Variants in CD47 observed in about 807,000 individuals in gnomAD.
CD47 encodes leukocyte surface antigen CD47.
CD47 carries 11 observed loss-of-function variants against 44.6 expected under a neutral mutation model. The observed-to-expected ratio is 0.25, with a 90% CI of 0.16 to 0.41. The LOEUF is 0.41. Among genes scored for constraint, CD47 ranks in the 10% least tolerant of loss-of-function variants. CD47 has a pLI of 1.00. For missense variants in CD47, 306 were observed against 386.7 expected (o/e 0.79, Z 1.75); for synonymous variants, 140 against 136.3 (o/e 1.03, Z -0.19).
In CD47 at chr3:108,050,784, C is replaced by T. The variant is rs536169779; in HGVS notation, c.910-182G>A. On this transcript the variant is annotated intron_variant, in intron 8 of 10. Transcript: ENST00000361309. ...AATGTTAAAGCAAAGCTTGCCAAGTCGGGTTAATAGTTTAATAATAACTGT... is the reference window on the plus strand; with the variant it reads ...AATGTTAAAGCAAAGCTTGCCAAGTTGGGTTAATAGTTTAATAATAACTGT... 1.3e-4 allele frequency: 61 copies of T among 477,104 alleles called. No homozygotes were observed. In the East Asian group the frequency reaches 2.3e-3, roughly 18 times the overall value. The allele number at this position is 477,104 out of a possible 1,614,324, so 29.6% of individuals were successfully genotyped here. A position where few individuals can be genotyped will look rare whatever the true frequency, so the allele number is the denominator to read the frequency against.
In CD47 at chr3:108,046,271, A is replaced by G. The variant is rs1459545488; in HGVS notation, c.*1017T>C. 9 of 152,698 alleles carry G rather than the reference A, an allele frequency of 5.9e-5. No individual in the cohort carries two copies. The highest frequency in any genetic ancestry group is 2.2e-4 in the African/African-American group (9 of 41,482). 9.5% of individuals were successfully genotyped at this position (152,698 alleles called of 1,614,324 possible). On this transcript the variant is annotated 3_prime_UTR_variant, in exon 11 of 11. Coordinates refer to ENST00000361309, the MANE Select transcript of CD47 (RefSeq NM_001777.4). ...TGGCCTGTTGGCCTGATGGTGACAC[A>G]CATTTTGTTGCCATGCAGGAGACTC...
Position 108,090,991 on chromosome 3 carries a change from CGCCGCCGCGCGTCACAGGCAGGACCCACT to C in CD47, c.-112_-84del. 4 of 980,376 alleles carry C rather than the reference CGCCGCCGCGCGTCACAGGCAGGACCCACT, an allele frequency of 4.1e-6. No individual in the cohort carries two copies. Among genetic ancestry groups the C allele is most frequent in the Non-Finnish European group, 5.5e-6 (4 of 727,796 alleles). The allele number at this position is 980,376 out of a possible 1,614,324, so 60.7% of individuals were successfully genotyped here. A position where few individuals can be genotyped will look rare whatever the true frequency, so the allele number is the denominator to read the frequency against. ...CGCCGCCGTTACAGGCAGGACCGAC[CGCCGCCGCGCGTCACAGGCAGGACCCACT>C]GCCCAGGCTGCACGGCCGCGCGCAC... is the stretch of plus-strand genomic sequence containing the variant. On this transcript the variant is annotated 5_prime_UTR_variant, in exon 1 of 11. Coordinates refer to ENST00000361309, the MANE Select transcript of CD47 (RefSeq NM_001777.4).
intron 1 of CD47, among the ~76,000 whole-genome samples, chr3:108,090,446 A>G (rs1274339695): frequency 6.6e-6 from 1 of 151,632 alleles, no homozygotes; most frequent in Non-Finnish European, 1.5e-5. Context: ...CCCTCCCTCA[A>G]CCCCAAATGC....
At chr3:108,050,352 G>A (rs985725735) in intron 9 of CD47, among the ~76,000 whole-genome samples, 5 of 152,246 alleles carry the variant, frequency 3.3e-5, no homozygotes, top group Non-Finnish European at 5.9e-5. Context: ...TCTTGACCTC[G>A]TGATCTGCCC....
chr3:108,080,296 A>T lies in CD47; in HGVS notation c.95T>A (p.Phe32Tyr), dbSNP rs1461738006. The change falls in exon 2 of 11, where the codon TTT becomes TAT. Residue 32 changes from phenylalanine to tyrosine, a missense_variant. By Grantham distance (22) the Phe-to-Tyr change is conservative. This residue lies in a region of CD47 where 38 missense variants were observed against 42.7 expected (regional missense o/e 0.89). Transcript: ENST00000361309. ...TGGAATGACGACAGTGTCATTACAAAACGTGAATTCTACAGATTTTGTTTT... is the reference window on the plus strand; with the variant it reads ...TGGAATGACGACAGTGTCATTACAATACGTGAATTCTACAGATTTTGTTTT... ...FNKTKSVEFT[F>Y]CNDTVVIPCF... is the part of the protein sequence containing the mutation. 1 of 1,611,262 alleles carries T rather than the reference A, an allele frequency of 6.2e-7. No homozygotes were observed. Among genetic ancestry groups the T allele is most frequent in the African/African-American group, 1.3e-5 (1 of 74,800 alleles).
chr3:108,083,808 T>C (rs2079463561), intron 1 of CD47, among the ~76,000 whole-genome samples: 1 of 151,946 alleles, frequency 6.6e-6, no homozygotes, highest in African/African-American at 2.4e-5. Context: ...CCCTATTTCT[T>C]AATACAAACT....
chr3:108,061,903 A>G lies in CD47; in HGVS notation c.491-1051T>C, dbSNP rs148819497. Among the ~76,000 whole-genome samples the G allele has an allele frequency of 5.2e-3, 790 of 152,300 alleles. 6 individuals are homozygous for G. Among genetic ancestry groups the G allele is most frequent in the African/African-American group, 0.018 (754 of 41,570 alleles). ...TAGCATTTAGTTTTTTTTCTTCTAC[A>G]GTGACAAACATTAAATAAAGTAAAA... On this transcript the variant is annotated intron_variant, in intron 3 of 10. Coordinates refer to ENST00000361309, the MANE Select transcript of CD47 (RefSeq NM_001777.4).
chr3:108,068,125 G>T (rs1166180961), intron 3 of CD47, among the ~76,000 whole-genome samples: 3 of 152,160 alleles, frequency 2.0e-5, no homozygotes, highest in South Asian at 2.1e-4. Context: ...GAGTTATTAT[G>T]AATGCTTTAG....
intron 4 of CD47, among the ~76,000 whole-genome samples, chr3:108,060,512 C>T (rs945594997): frequency 2.0e-5 from 3 of 152,184 alleles, no homozygotes; most frequent in African/African-American, 7.2e-5. Flanking sequence ...ATTCCAGAAG[C>T]TAGAAGAGCC....
intron 7 of CD47, chr3:108,053,609 G>A (rs925555599): frequency 1.3e-5 from 2 of 152,322 alleles, no homozygotes; most frequent in African/African-American, 4.8e-5. Context: ...TTGCTGCTGA[G>A]AGGGCAACAC....
chr3:108,047,104 A>C lies in CD47; in HGVS notation c.*184T>G. The C allele has an allele frequency of 2.2e-6, 1 of 454,184 alleles. No homozygotes were observed. Among genetic ancestry groups the C allele is most frequent in the Non-Finnish European group, 3.9e-6 (1 of 254,326 alleles). The allele number at this position is 454,184 out of a possible 1,614,324, so 28.1% of individuals were successfully genotyped here. A position where few individuals can be genotyped will look rare whatever the true frequency, so the allele number is the denominator to read the frequency against. Reference sequence around the variant, plus strand: ...TAGATCATAATTATTTTATTAACTAAATTACAGCTGCTTTGAATAAAAACT... The same window carrying C: ...TAGATCATAATTATTTTATTAACTACATTACAGCTGCTTTGAATAAAAACT... On this transcript the variant is annotated 3_prime_UTR_variant, in exon 11 of 11. Transcript: ENST00000361309.
chr3:108,077,818 G>T (rs533143135), intron 2 of CD47, among the ~76,000 whole-genome samples: 10 of 152,212 alleles, frequency 6.6e-5, no homozygotes, highest in Admixed American at 4.6e-4. Context: ...GTCACATCTT[G>T]TATCATTCCA....
At chr3:108,060,222 C>T (rs1389183673) in intron 4 of CD47, among the ~76,000 whole-genome samples, 1 of 152,164 alleles carries the variant, frequency 6.6e-6, no homozygotes, top group Non-Finnish European at 1.5e-5. Context: ...TCCCTAAAAC[C>T]TGTGAATATT....
intron 9 of CD47, 48 bp from the exon 10 acceptor site, chr3:108,049,699 TG>T: frequency 7.2e-7 from 1 of 1,391,750 alleles, no homozygotes; most frequent in Non-Finnish European, 1.0e-6. Context: ...GTTCCACAAT[TG>T]GAAATCATTT....
In CD47 at chr3:108,046,710, A is replaced by G. The variant is rs2078727611; in HGVS notation, c.*578T>C. On this transcript the variant is annotated 3_prime_UTR_variant, in exon 11 of 11. Coordinates refer to ENST00000361309, the MANE Select transcript of CD47 (RefSeq NM_001777.4). ...AATGAGGACCACTATCTCCATCAAT[A>G]TCACATCATACGGAGATCATACAAG... 1 of 152,236 alleles carries G rather than the reference A, an allele frequency of 6.6e-6. No homozygotes were observed. Among genetic ancestry groups the G allele is most frequent in the South Asian group, 2.1e-4 (1 of 4,810 alleles). The allele number at this position is 152,236 out of a possible 1,614,324, so 9.4% of individuals were successfully genotyped here.
At chr3:108,071,820 A>G (rs2079208074) in intron 2 of CD47, among the ~76,000 whole-genome samples, 1 of 152,210 alleles carries the variant, frequency 6.6e-6, no homozygotes, top group Admixed American at 6.5e-5. Context: ...AAGATGCACC[A>G]CTAGGTACTC....
At chr3:108,073,492 A>C (rs1196648008) in intron 2 of CD47, among the ~76,000 whole-genome samples, 2 of 152,116 alleles carry the variant, frequency 1.3e-5, no homozygotes, top group Non-Finnish European at 2.9e-5. Flanking sequence ...AGGGAGAGGA[A>C]CGAAACTAAG....
At position 108,044,210 on chromosome 3, in the gene CD47, T is replaced by G. The variant is rs182491328; in HGVS notation, c.*3078A>C. Reference sequence around the variant, plus strand: ...CTGAGATGGAGGAGTAAACTTATCGTGTTTTGAGCTTTGTTAGTGCAAATA... The same window carrying G: ...CTGAGATGGAGGAGTAAACTTATCGGGTTTTGAGCTTTGTTAGTGCAAATA... On this transcript the variant is annotated 3_prime_UTR_variant, in exon 11 of 11. Transcript: ENST00000361309. The G allele has an allele frequency of 1.0e-4, 16 of 152,610 alleles. No homozygotes were observed. Among genetic ancestry groups the G allele is most frequent in the African/African-American group, 3.4e-4 (14 of 41,546 alleles). The allele number at this position is 152,610 out of a possible 1,614,324, so 9.5% of individuals were successfully genotyped here.
chr3:108,059,532 A>T lies in CD47; in HGVS notation c.611T>A (p.Leu204Ter). 1 of 1,463,438 alleles carries T rather than the reference A, an allele frequency of 6.8e-7. No individual in the cohort carries two copies. Among genetic ancestry groups the T allele is most frequent in the Non-Finnish European group, 9.3e-7 (1 of 1,078,674 alleles). 90.7% of individuals were successfully genotyped at this position (1,463,438 alleles called of 1,614,324 possible). A position where few individuals can be genotyped will look rare whatever the true frequency, so the allele number is the denominator to read the frequency against. Residue 204 changes from leucine (L) to a stop codon, truncating the protein, a stop_gained, in exon 5 of 11, where the codon TTA becomes TAA. Coordinates refer to ENST00000361309, the MANE Select transcript of CD47 (RefSeq NM_001777.4). LOFTEE classifies it high-confidence loss of function. ...AILFVPGEYS[L>*]KNATGLGLIV... is the part of the protein sequence containing the mutation. ...TAAACCAAGGCCAGTAGCATTCTTT[A>T]ATGAATATTCACCTGTCAATAAATA...
Sources: gnomAD v4.1 joint callset for allele counts (sites outside exome capture counted in the v4.1 genomes callset) on GRCh38, gnomAD v4.1.1 for gene constraint, gnomAD v4.1.1 regional missense constraint, MANE v1.5 for transcripts, NCBI Gene and HGNC (gene_info 2026-07-23, HGNC 2026-07-21) for gene names.